Variants in SCLT1 observed in about 807,000 individuals in gnomAD.
The protein encoded by SCLT1 is sodium channel-associated protein 1.
Under a neutral mutation model 112.8 loss-of-function variants are expected in SCLT1, and 78 were observed. That is an observed-to-expected ratio of 0.69 (90% CI 0.58 to 0.83). The LOEUF (loss-of-function observed/expected upper bound fraction) is 0.83, where lower values mean the gene tolerates loss of function less well. SCLT1 is among the 40% of genes least tolerant of loss of function. SCLT1 has a pLI of 0.00. For synonymous variants in SCLT1, 257 were observed against 254.7 expected (o/e 1.01, Z -0.09); for missense variants, 747 against 770.4 (o/e 0.97, Z 0.36).
At chr4:129,024,624 C>T (rs1391517120) in intron 5 of SCLT1, among the ~76,000 whole-genome samples, 2 of 152,162 alleles carry the variant, frequency 1.3e-5, no homozygotes, top group Admixed American at 1.3e-4. Flanking sequence ...CAACTGGAAA[C>T]TCTAAAAAGC....
In SCLT1 at chr4:129,070,069, CAT is replaced by C. The variant is rs763015769; in HGVS notation, c.102+12235_102+12236del. Among the ~76,000 whole-genome samples the C allele has an allele frequency of 1.2e-4, 18 of 152,216 alleles. No individual in the cohort carries two copies. In the East Asian group the frequency reaches 3.5e-3, roughly 29 times the overall value. On this transcript the variant is annotated intron_variant, in intron 2 of 20. Transcript: ENST00000281142. ...GTTGAGTATCACACGTATTGACTTG[CAT>C]ATGTTAAACCATCCCTGCAGCCCTG...
At chr4:128,919,073 T>C (rs1038313130) in intron 18 of SCLT1, among the ~76,000 whole-genome samples, 2 of 152,092 alleles carry the variant, frequency 1.3e-5, no homozygotes, top group African/African-American at 2.4e-5. Context: ...TTTGACTAAA[T>C]TGGCCTAACA....
At chr4:128,985,393 C>T (rs931468891) in intron 9 of SCLT1, among the ~76,000 whole-genome samples, 3 of 152,074 alleles carry the variant, frequency 2.0e-5, no homozygotes, top group African/African-American at 4.8e-5. Context: ...AATTTTTTGG[C>T]CTCTTTATTA....
chr4:128,940,248 G>A (rs139110562), intron 17 of SCLT1, among the ~76,000 whole-genome samples: 9 of 150,814 alleles, frequency 6.0e-5, no homozygotes, highest in South Asian at 2.1e-4. Context: ...TGTTAAAGAC[G>A]GATCAACTGG....
At chr4:128,960,921 C>A (rs1188960877) in intron 11 of SCLT1, among the ~76,000 whole-genome samples, 3 of 65,378 alleles carry the variant, frequency 4.6e-5, no homozygotes, top group Non-Finnish European at 7.4e-5. Flanking sequence ...AGCGAGACTC[C>A]GTCTCAAAAA....
At position 129,043,263 on chromosome 4, in the gene SCLT1, T is replaced by C. The variant is rs148037766; in HGVS notation, c.234+132A>G. On this transcript the variant is annotated intron_variant, in intron 4 of 20. Transcript: ENST00000281142. ...ATATATACATTCACACACATTTACA[T>C]AGGGCCACCAATTGGTTAGTTACAG... The C allele has an allele frequency of 2.1e-3, 1,320 of 634,456 alleles. 4 individuals carry two copies. The highest frequency in any genetic ancestry group is 2.9e-3 in the Non-Finnish European group (1,039 of 355,382). 39.3% of individuals were successfully genotyped at this position (634,456 alleles called of 1,614,324 possible).
At chr4:129,035,891 T>C (rs1467986096) in intron 5 of SCLT1, among the ~76,000 whole-genome samples, 1 of 151,944 alleles carries the variant, frequency 6.6e-6, no homozygotes, top group Non-Finnish European at 1.5e-5. Context: ...ATAAAATGAC[T>C]TCATTATTTC....
intron 5 of SCLT1, among the ~76,000 whole-genome samples, chr4:129,035,222 C>G (rs1747077040): frequency 6.6e-6 from 1 of 152,096 alleles, no homozygotes; most frequent in Non-Finnish European, 1.5e-5. Flanking sequence ...GTGCTGATAT[C>G]TACAATCATA....
intron 5 of SCLT1, among the ~76,000 whole-genome samples, chr4:129,006,756 GTC>G (rs1338710832): frequency 1.3e-5 from 2 of 152,032 alleles, no homozygotes; most frequent in Admixed American, 1.3e-4. Flanking sequence ...AATGCTTGCT[GTC>G]TCTCACCGAG....
intron 7 of SCLT1, 67 bp downstream of exon 7, chr4:128,999,605 C>T: frequency 2.4e-6 from 3 of 1,266,022 alleles, no homozygotes; most frequent in Non-Finnish European, 3.4e-6. Context: ...GCGTTCCCCT[C>T]TAAAACAGTT....
chr4:129,001,626 G>A (rs1300492679), intron 6 of SCLT1, among the ~76,000 whole-genome samples: 1 of 151,820 alleles, frequency 6.6e-6, no homozygotes, highest in African/African-American at 2.4e-5. Context: ...ACATTTCTAA[G>A]GCTCTTCTTC....
At chr4:129,071,149 A>G (rs188008163) in intron 2 of SCLT1, among the ~76,000 whole-genome samples, 1 of 152,264 alleles carries the variant, frequency 6.6e-6, no homozygotes, top group Non-Finnish European at 1.5e-5. Context: ...AGTGCTTGAC[A>G]TAATTTCAAT....
chr4:128,907,484 C>T (rs1734778662), intron 18 of SCLT1, among the ~76,000 whole-genome samples: 1 of 151,982 alleles, frequency 6.6e-6, no homozygotes, highest in Non-Finnish European at 1.5e-5. Context: ...CAGAGTTTTT[C>T]TTGAGCAACT....
intron 15 of SCLT1, 29 bp from the exon 16 acceptor site, chr4:128,946,181 T>C (rs892030272): frequency 1.3e-6 from 2 of 1,493,840 alleles, no homozygotes; most frequent in South Asian, 1.2e-5. Flanking sequence ...AGGTATATAA[T>C]ATTACAGAAG....
intron 18 of SCLT1, among the ~76,000 whole-genome samples, chr4:128,926,907 A>C (rs1484473549): frequency 6.6e-6 from 1 of 151,976 alleles, no homozygotes; most frequent in Non-Finnish European, 1.5e-5. Context: ...CTTCCTAAGT[A>C]TGTGTGGTAT....
At chr4:128,941,226 T>A (rs1257467441) in intron 17 of SCLT1, among the ~76,000 whole-genome samples, 1 of 152,094 alleles carries the variant, frequency 6.6e-6, no homozygotes, top group African/African-American at 2.4e-5. Flanking sequence ...CCAAACCGTA[T>A]CAGGATGTAT....
intron 13 of SCLT1, among the ~76,000 whole-genome samples, chr4:128,954,974 G>A (rs1195870018): frequency 1.3e-5 from 2 of 152,118 alleles, no homozygotes; most frequent in Non-Finnish European, 1.5e-5. Context: ...TAACTTGAGG[G>A]TTTATGTCAA....
chr4:129,072,771 T>A (rs1751135337), intron 2 of SCLT1, among the ~76,000 whole-genome samples: 1 of 152,174 alleles, frequency 6.6e-6, no homozygotes. Flanking sequence ...CTGATTAGCT[T>A]AATAACTAAA....
chr4:128,949,701 A>G (rs528093663), intron 14 of SCLT1, among the ~76,000 whole-genome samples: 1 of 151,826 alleles, frequency 6.6e-6, no homozygotes, highest in South Asian at 2.1e-4. Context: ...CCTACAAAGG[A>G]CATGAACTCA....
Sources: gnomAD v4.1 joint callset for allele counts (sites outside exome capture counted in the v4.1 genomes callset) on GRCh38, gnomAD v4.1.1 for gene constraint, MANE v1.5 for transcripts, NCBI Gene and HGNC (gene_info 2026-07-23, HGNC 2026-07-21) for gene names.